SERAC1: variants seen among roughly 807,000 people sequenced by gnomAD.
The protein encoded by SERAC1 is protein SERAC1.
In SERAC1, 36 loss-of-function variants were observed where a neutral mutation model predicts 85.7. That is an observed-to-expected ratio of 0.42 (90% CI 0.32 to 0.55). The LOEUF is 0.55. Ranked by LOEUF, SERAC1 falls within the 20% of genes least tolerant of loss-of-function variation. The pLI is 0.11. For missense variants in SERAC1, 629 were observed against 796.2 expected, an observed-to-expected ratio of 0.79 and a Z score of 2.53; for synonymous variants, 242 against 265.3, an observed-to-expected ratio of 0.91 and a Z score of 0.85.
At chr6:158,149,186 G>A (rs774143035) in intron 4 of SERAC1, among the ~76,000 whole-genome samples, 1 of 152,064 alleles carries the variant, frequency 6.6e-6, no homozygotes, top group Non-Finnish European at 1.5e-5. Flanking sequence ...TAGAGACAGG[G>A]TTTCACCTTG....
intron 10 of SERAC1, among the ~76,000 whole-genome samples, chr6:158,124,525 A>G (rs1784491429): frequency 1.3e-5 from 2 of 152,218 alleles, no homozygotes; most frequent in African/African-American, 4.8e-5. Flanking sequence ...AATGATATGT[A>G]TAAGGTAATG....
intron 1 of SERAC1, among the ~76,000 whole-genome samples, chr6:158,160,044 T>C (rs1187384112): frequency 6.6e-6 from 1 of 152,258 alleles, no homozygotes; most frequent in African/African-American, 2.4e-5. Flanking sequence ...TCCATTATAC[T>C]AGGCTTGTTA....
At chr6:158,152,006 C>T (rs1785217360) in intron 3 of SERAC1, among the ~76,000 whole-genome samples, 1 of 152,188 alleles carries the variant, frequency 6.6e-6, no homozygotes, top group Non-Finnish European at 1.5e-5. Flanking sequence ...CCTGCCTCAG[C>T]CTCCCGAATA....
In SERAC1 at chr6:158,116,536, G is replaced by A. The variant is rs1784295042; in HGVS notation, c.1404-254C>T. On this transcript the variant is annotated intron_variant, in intron 13 of 16. Transcript: ENST00000647468. ...TATAGGCATGAGCCACCACGCCTGG[G>A]ATCTCTCTGCTCAATTCCTGAAATC... The A allele has an allele frequency of 9.8e-6, 4 of 409,234 alleles. No homozygotes were observed. The South Asian group carries it at 1.2e-4, about 13-fold the overall frequency. The allele number at this position is 409,234 out of a possible 1,614,324, so 25.4% of individuals were successfully genotyped here. A position where few individuals can be genotyped will look rare whatever the true frequency, so the allele number is the denominator to read the frequency against.
chr6:158,126,351 A>G (rs60554880), intron 10 of SERAC1, among the ~76,000 whole-genome samples: 2,247 of 141,648 alleles, frequency 0.016, 61 homozygotes, highest in African/African-American at 0.057. Context: ...CATATCATAA[A>G]GGACATGGGC....
In SERAC1 at chr6:158,127,069, CATAA is replaced by C. The variant is rs1184692556; in HGVS notation, c.1015+1035_1015+1038del. On this transcript the variant is annotated intron_variant, in intron 10 of 16. Transcript: ENST00000647468. The stretch of plus-strand genomic sequence containing the variant: ...TTCTCTCAAAAAAAAAAAAAAATTA[CATAA>C]ATAATTAGATGATCATCATGGCAAA... 1.4e-4 allele frequency among the ~76,000 whole-genome samples: 21 copies of C among 151,176 alleles called. No homozygotes were observed. In the East Asian group the frequency reaches 2.1e-3, roughly 15 times the overall value.
chr6:158,111,912 A>G (rs1191184393), intron 16 of SERAC1: 1 of 154,094 alleles, frequency 6.5e-6, no homozygotes, highest in African/African-American at 2.4e-5. Flanking sequence ...CTATACCTAA[A>G]TCCCAATAAT....
chr6:158,165,502 C>T (rs948224162), intron 1 of SERAC1, among the ~76,000 whole-genome samples: 4 of 152,132 alleles, frequency 2.6e-5, no homozygotes, highest in Admixed American at 6.5e-5. Flanking sequence ...CCTCTAGCTA[C>T]GATCTTTCCT....
chr6:158,128,273 G>A lies in SERAC1; in HGVS notation c.853-3C>T, dbSNP rs1338848579. 5.0e-6 allele frequency: 8 copies of A among 1,612,720 alleles called. No individual in the cohort carries two copies. Among genetic ancestry groups the A allele is most frequent in the Middle Eastern group, 1.7e-4 (1 of 6,050 alleles). ...ATTTTATCACAATGTGTGGATATCT[G>A]GCACAATAAATAAACAGAAGCTCCC... On this transcript the variant is annotated splice_region_variant and splice_polypyrimidine_tract_variant and intron_variant, in intron 9 of 16. Transcript: ENST00000647468.
chr6:158,114,454 A>AGTT (rs1463468086), intron 15 of SERAC1: 1 of 1,075,476 alleles, frequency 9.3e-7, no homozygotes, highest in Non-Finnish European at 1.1e-6. Flanking sequence ...ACATTTTAAC[A>AGTT]GTTGATGATT....
chr6:158,109,875 C>A lies in SERAC1; in HGVS notation c.*1491G>T, dbSNP rs1303611250. ...ATCATGAATGAACCTTGAAAACATGCTAATAGAAGGAAGAAGGCAGAGAGG... is the reference window on the plus strand; with the variant it reads ...ATCATGAATGAACCTTGAAAACATGATAATAGAAGGAAGAAGGCAGAGAGG... On this transcript the variant is annotated 3_prime_UTR_variant, in exon 17 of 17. Transcript: ENST00000647468. 3 of 152,074 alleles carry A rather than the reference C, an allele frequency of 2.0e-5. No homozygotes were observed. The highest frequency in any genetic ancestry group is 4.4e-5 in the Non-Finnish European group (3 of 68,014). 9.4% of individuals were successfully genotyped at this position (152,074 alleles called of 1,614,324 possible).
In SERAC1 at chr6:158,117,885, T is replaced by G; in HGVS notation, c.1309-64A>C. The G allele has an allele frequency of 1.6e-6, 2 of 1,287,176 alleles. No homozygotes were observed. Among genetic ancestry groups the G allele is most frequent in the Admixed American group, 3.7e-5 (2 of 54,358 alleles). The allele number at this position is 1,287,176 out of a possible 1,614,324, so 79.7% of individuals were successfully genotyped here. On this transcript the variant is annotated intron_variant, in intron 12 of 16. Transcript: ENST00000647468. The surrounding 1 kb of genome is among the most constrained non-coding windows in gnomAD (Gnocchi z 4.3). ...CTTCACCACTGCAATTACTGCCTAGTAAATCAAATTTATAACTAAAGGCCT... is the reference window on the plus strand; with the variant it reads ...CTTCACCACTGCAATTACTGCCTAGGAAATCAAATTTATAACTAAAGGCCT...
At position 158,128,234 on chromosome 6, in the gene SERAC1, C is replaced by T. The variant is rs1784592788; in HGVS notation, c.889G>A (p.Gly297Ser). 3.1e-6 allele frequency: 5 copies of T among 1,613,918 alleles called. No homozygotes were observed. Among genetic ancestry groups the T allele is most frequent in the Non-Finnish European group, 8.5e-7 (1 of 1,179,974 alleles). Residue 297 changes from glycine to serine, a missense_variant, in exon 10 of 17, where the codon GGC becomes AGC. By Grantham distance (56) the Gly-to-Ser change is moderately conservative (BLOSUM62 0). Transcript: ENST00000647468. ...TACAGCCTCTGAAGTAGCTGCAGGC[C>T]TCCATTTGCTTCGATTTTATCACAA... is the stretch of plus-strand genomic sequence containing the variant. ...THCDKIEANG[G>S]LQLLQRLYRL...
chr6:158,141,624 GA>G (rs1264176978), intron 8 of SERAC1, among the ~76,000 whole-genome samples: 13 of 152,136 alleles, frequency 8.5e-5, no homozygotes, highest in Non-Finnish European at 1.3e-4. Flanking sequence ...TTTCCTGTAA[GA>G]AGAACCAGAT....
Position 158,119,020 on chromosome 6 carries a change from C to A in SERAC1, c.1308+9G>T. On this transcript the variant is annotated intron_variant, in intron 12 of 16. Coordinates refer to ENST00000647468, the MANE Select transcript of SERAC1 (RefSeq NM_032861.4). The surrounding 1 kb of genome is among the most constrained non-coding windows in gnomAD (Gnocchi z 4.5). ...CAGCAACCAGGGCCAGAGTCAGTGG[C>A]TCCCTTACCTTGGGCCAGCACGTCG... 1 of 1,609,874 alleles carries A rather than the reference C, an allele frequency of 6.2e-7. No individual in the cohort carries two copies. The highest frequency in any genetic ancestry group is 8.5e-7 in the Non-Finnish European group (1 of 1,177,538).
At chr6:158,149,104 T>C in intron 4 of SERAC1, 150 bp from the exon 5 acceptor site, 2 of 553,252 alleles carry the variant, frequency 3.6e-6, no homozygotes, top group Non-Finnish European at 6.3e-6. Flanking sequence ...ATTCTCCTGC[T>C]TCACAGCCTC....
intron 2 of SERAC1, 38 bp downstream of exon 2, chr6:158,158,235 T>C (rs772246760): frequency 4.9e-5 from 71 of 1,463,436 alleles, no homozygotes; most frequent in Non-Finnish European, 5.9e-5. Context: ...CTATCACTGT[T>C]CCTATAAGAA....
rs576637812 is a variant in SERAC1, at chr6:158,118,618, CAA to C, written c.1308+409_1308+410del. 9.5e-3 allele frequency among the ~76,000 whole-genome samples: 860 copies of C among 90,350 alleles called. 7 individuals carry two copies. The highest frequency in any genetic ancestry group is 0.031 in the African/African-American group (808 of 26,212). The allele number at this position is 90,350 out of a possible 152,430, so 59.3% of individuals were successfully genotyped here. A position where few individuals can be genotyped will look rare whatever the true frequency, so the allele number is the denominator to read the frequency against. On this transcript the variant is annotated intron_variant, in intron 12 of 16. Coordinates refer to ENST00000647468, the MANE Select transcript of SERAC1 (RefSeq NM_032861.4). The stretch of plus-strand genomic sequence containing the variant: ...GGGTGACAAAATGAGACCCTCATCT[CAA>C]AAAAAAAAAAAAAAAAGAAGGAAAG...
At chr6:158,113,268 C>T (rs534401391) in intron 16 of SERAC1, 181 bp downstream of exon 16, 433 of 551,066 alleles carry the variant, frequency 7.9e-4, no homozygotes, top group Non-Finnish European at 1.3e-3. Flanking sequence ...AGGTAATACC[C>T]GGGTTATATG....
Sources: gnomAD v4.1 joint callset for allele counts (sites outside exome capture counted in the v4.1 genomes callset) on GRCh38, gnomAD v4.1.1 for gene constraint, Gnocchi (gnomAD v3.1) non-coding constraint, MANE v1.5 for transcripts, NCBI Gene and HGNC (gene_info 2026-07-23, HGNC 2026-07-21) for gene names.